PRKN: variants seen among roughly 807,000 people sequenced by gnomAD.
PRKN encodes E3 ubiquitin-protein ligase parkin.
In PRKN, 56 loss-of-function variants were observed where a neutral mutation model predicts 59.5. The ratio of observed to expected loss-of-function variants is 0.94; its 90% CI spans 0.76 to 1.18. The LOEUF is 1.18. Ranked by LOEUF, PRKN falls within the 50% of genes most tolerant of loss-of-function variation. The pLI, the probability that PRKN is intolerant of heterozygous loss-of-function variation, is 0.00. For synonymous variants in PRKN, 250 were observed against 222.1 expected, an observed-to-expected ratio of 1.13 and a Z score of -1.12; for missense variants, 657 against 596.4, an observed-to-expected ratio of 1.10 and a Z score of -1.06.
At chr6:161,890,432 G>T (rs180681488) in intron 6 of PRKN, among the ~76,000 whole-genome samples, 2 of 152,282 alleles carry the variant, frequency 1.3e-5, no homozygotes, top group East Asian at 3.9e-4. Context: ...CAGACTCTGG[G>T]GTTCCACAAC....
chr6:162,240,358 T>C (rs1337556218), intron 3 of PRKN, among the ~76,000 whole-genome samples: 2 of 152,186 alleles, frequency 1.3e-5, no homozygotes, highest in African/African-American at 2.4e-5. Context: ...AGTCTCCTTC[T>C]TTCCTTCCCA....
intron 7 of PRKN, among the ~76,000 whole-genome samples, chr6:161,719,143 C>A (rs976438382): frequency 6.6e-6 from 1 of 151,326 alleles, no homozygotes; most frequent in African/African-American, 2.4e-5. Context: ...CATCGCCTAG[C>A]GAAGGGTACG....
chr6:161,702,742 T>C (rs1373168431), intron 7 of PRKN, among the ~76,000 whole-genome samples: 1 of 152,068 alleles, frequency 6.6e-6, no homozygotes, highest in Non-Finnish European at 1.5e-5. Context: ...AATTAGAAGA[T>C]ATAAGTGTAA....
At chr6:161,653,823 C>A (rs1380207167) in intron 7 of PRKN, among the ~76,000 whole-genome samples, 1 of 152,116 alleles carries the variant, frequency 6.6e-6, no homozygotes, top group East Asian at 1.9e-4. Flanking sequence ...ACTGAAGATT[C>A]TTTGATGTAA....
At chr6:161,660,950 A>G (rs1448111163) in intron 7 of PRKN, among the ~76,000 whole-genome samples, 1 of 152,122 alleles carries the variant, frequency 6.6e-6, no homozygotes, top group Non-Finnish European at 1.5e-5. Context: ...GCCGAGTCCC[A>G]CGGTGCCATC....
chr6:162,261,372 G>A (rs1779878815), intron 3 of PRKN, among the ~76,000 whole-genome samples: 1 of 152,010 alleles, frequency 6.6e-6, no homozygotes, highest in Non-Finnish European at 1.5e-5. Context: ...GGCATATTCT[G>A]GTCTCATACA....
intron 1 of PRKN, among the ~76,000 whole-genome samples, chr6:162,504,047 GGAAA>G (rs1793499337): frequency 2.0e-5 from 3 of 150,094 alleles, no homozygotes; most frequent in Admixed American, 1.3e-4. Context: ...CAGAACTACT[GGAAA>G]GAGAGACAGA....
At chr6:161,708,090 T>G (rs368484286) in intron 7 of PRKN, among the ~76,000 whole-genome samples, 3 of 152,322 alleles carry the variant, frequency 2.0e-5, no homozygotes, top group East Asian at 3.9e-4. Context: ...AGTGTCTGAT[T>G]CTAACTATGA....
At chr6:161,573,094 T>C (rs1583244953) in intron 7 of PRKN, among the ~76,000 whole-genome samples, 1 of 152,054 alleles carries the variant, frequency 6.6e-6, no homozygotes, top group African/African-American at 2.4e-5. Context: ...CGTCCCATGG[T>C]CTGGGGCCGA....
intron 1 of PRKN, among the ~76,000 whole-genome samples, chr6:162,561,726 A>T (rs1187158384): frequency 2.0e-5 from 3 of 152,148 alleles, no homozygotes; most frequent in Non-Finnish European, 4.4e-5. Flanking sequence ...GGAAAACCAG[A>T]CCAAACTCAG....
At chr6:161,424,072 C>T (rs1788222802) in intron 9 of PRKN, among the ~76,000 whole-genome samples, 1 of 152,120 alleles carries the variant, frequency 6.6e-6, no homozygotes, top group South Asian at 2.1e-4. Context: ...CATGGTGGCT[C>T]ATGTCTGTAA....
At chr6:162,088,558 C>G (rs145004075) in intron 4 of PRKN, among the ~76,000 whole-genome samples, 82 of 152,192 alleles carry the variant, frequency 5.4e-4, no homozygotes, top group African/African-American at 1.9e-3. Context: ...AAAGAGATTA[C>G]AATCTGGATC....
chr6:162,038,883 G>A (rs981804943), intron 5 of PRKN, among the ~76,000 whole-genome samples: 16 of 152,086 alleles, frequency 1.1e-4, no homozygotes, highest in Admixed American at 9.2e-4. Context: ...GGCCGGGCGC[G>A]GTGGTTCACG....
rs142843109 is a variant in PRKN, at chr6:162,119,124, G to A, written c.535-64950C>T. 1.2e-4 allele frequency among the ~76,000 whole-genome samples: 18 copies of A among 152,318 alleles called. No individual in the cohort carries two copies. The East Asian group carries it at 2.1e-3, about 18-fold the overall frequency. On this transcript the variant is annotated intron_variant, in intron 4 of 11. Transcript: ENST00000366898. Reference sequence around the variant, plus strand: ...CAAAGATTTCCTTTAACAAGTTCTTGTGGATCCTGGTAGACCCAAAGAAAA... The same window carrying A: ...CAAAGATTTCCTTTAACAAGTTCTTATGGATCCTGGTAGACCCAAAGAAAA...
chr6:162,726,661 C>A (rs1369818740), intron 1 of PRKN, among the ~76,000 whole-genome samples: 1 of 152,146 alleles, frequency 6.6e-6, no homozygotes, highest in Admixed American at 6.5e-5. Flanking sequence ...CTTTATAAAT[C>A]CACCTCTCAT....
At chr6:162,654,329 C>T (rs1778559046) in intron 1 of PRKN, among the ~76,000 whole-genome samples, 1 of 152,142 alleles carries the variant, frequency 6.6e-6, no homozygotes, top group Admixed American at 6.5e-5. Context: ...TTACCAGTAT[C>T]CCCATTTCAT....
At chr6:161,801,682 T>C (rs954942711) in intron 6 of PRKN, among the ~76,000 whole-genome samples, 4 of 152,156 alleles carry the variant, frequency 2.6e-5, no homozygotes, top group Admixed American at 6.5e-5. Flanking sequence ...CAGCCGGTTT[T>C]AACCTTCCAT....
chr6:161,444,069 G>A lies in PRKN; in HGVS notation c.1084-57192C>T, dbSNP rs1327998419. On this transcript the variant is annotated intron_variant, in intron 9 of 11. Coordinates refer to ENST00000366898, the MANE Select transcript of PRKN (RefSeq NM_004562.3). This position sits in a 1 kb window ranked among gnomAD's most constrained non-coding sequence, Gnocchi z 5.6. ...TAGGCAGACAAAGAGCAAAAGTGTG[G>A]GAGGCTGGGTGGGGCCGGTGAGCTC... is the stretch of plus-strand genomic sequence containing the variant. 2.0e-5 allele frequency among the ~76,000 whole-genome samples: 3 copies of A among 152,358 alleles called. No homozygotes were observed. The highest frequency in any genetic ancestry group is 2.1e-4 in the South Asian group (1 of 4,826).
chr6:162,722,457 T>C (rs1312314625), intron 1 of PRKN, among the ~76,000 whole-genome samples: 2 of 151,990 alleles, frequency 1.3e-5, no homozygotes, highest in East Asian at 1.9e-4. Context: ...TATTACAAAA[T>C]TGAGGGAGAG....
Sources: allele counts gnomAD v4.1 joint callset (sites outside exome capture counted in the v4.1 genomes callset), GRCh38; gene constraint gnomAD v4.1.1; non-coding constraint Gnocchi (gnomAD v3.1); transcripts MANE v1.5; gene names NCBI Gene and HGNC (gene_info 2026-07-23, HGNC 2026-07-21).